GLIS3: variants seen among roughly 807,000 people sequenced by gnomAD.
The protein encoded by GLIS3 is zinc finger protein GLIS3.
GLIS3 carries 53 observed loss-of-function variants against 78.6 expected under a neutral mutation model. The observed-to-expected ratio is 0.67, with a 90% CI of 0.54 to 0.85. The LOEUF (loss-of-function observed/expected upper bound fraction) is 0.85. GLIS3 is among the 40% of genes least tolerant of loss of function. The pLI is 0.00. For synonymous variants in GLIS3, 684 were observed against 509.9 expected, an observed-to-expected ratio of 1.34 and a Z score of -4.60; for missense variants, 1,703 against 1,231.1, an observed-to-expected ratio of 1.38 and a Z score of -5.74.
At chr9:4,157,075 G>C (rs1333225708) in intron 2 of GLIS3, among the ~76,000 whole-genome samples, 1 of 152,090 alleles carries the variant, frequency 6.6e-6, no homozygotes, top group East Asian at 1.9e-4. Context: ...GATTACTACA[G>C]GTCCTAATAA....
chr9:4,039,654 G>C (rs1824635576), intron 4 of GLIS3, among the ~76,000 whole-genome samples: 1 of 152,170 alleles, frequency 6.6e-6, no homozygotes, highest in Non-Finnish European at 1.5e-5. Context: ...GCCTGACCCA[G>C]AGCCTGCCTG....
chr9:4,218,903 C>T (rs1000930636), intron 2 of GLIS3, among the ~76,000 whole-genome samples: 7 of 152,228 alleles, frequency 4.6e-5, no homozygotes, highest in Non-Finnish European at 1.0e-4. Context: ...TTCCACAGAG[C>T]ACTCATAACT....
chr9:4,463,587 C>T, the GLIS3 span, among the ~76,000 whole-genome samples: 5 of 152,164 alleles, frequency 3.3e-5, no homozygotes, highest in Non-Finnish European at 7.4e-5. Context: ...GCATCTTAAT[C>T]CGCCTAGAGA....
intron 2 of GLIS3, among the ~76,000 whole-genome samples, chr9:4,258,489 T>A (rs886478618): frequency 1.3e-5 from 2 of 152,238 alleles, no homozygotes; most frequent in African/African-American, 4.8e-5. Flanking sequence ...TGGGGCTTTG[T>A]CTTCCTATTA....
intron 4 of GLIS3, among the ~76,000 whole-genome samples, chr9:4,079,768 AAAACCTACCTGAAAC>A (rs1401536909): frequency 7.9e-5 from 12 of 152,042 alleles, no homozygotes. Context: ...AAGAAAAAAG[AAAACCTACCTGAAAC>A]AGGTTGCTGT....
At chr9:4,349,211 A>T (rs948982783), upstream of GLIS3, among the ~76,000 whole-genome samples, 5 of 152,160 alleles carry the variant, frequency 3.3e-5, no homozygotes, top group African/African-American at 1.2e-4. Context: ...CCTTTCCACA[A>T]CAGTTTATGA....
intron 4 of GLIS3, among the ~76,000 whole-genome samples, chr9:4,076,488 GA>G (rs1400735188): frequency 6.6e-6 from 1 of 152,008 alleles, no homozygotes; most frequent in Admixed American, 6.5e-5. Flanking sequence ...CTTACAAAAG[GA>G]AAATGTACTA....
chr9:3,970,484 C>A (rs890726849), intron 4 of GLIS3, among the ~76,000 whole-genome samples: 1 of 152,094 alleles, frequency 6.6e-6, no homozygotes. Context: ...ATTTTGTCAA[C>A]CTAAAAGTTT....
At chr9:4,458,927 G>T in the GLIS3 span, among the ~76,000 whole-genome samples, 1 of 152,182 alleles carries the variant, frequency 6.6e-6, no homozygotes, top group South Asian at 2.1e-4. Flanking sequence ...TAGAGCAGAA[G>T]TGGGTGACAG....
chr9:4,467,752 C>T, the GLIS3 span, among the ~76,000 whole-genome samples: 1 of 152,194 alleles, frequency 6.6e-6, no homozygotes, highest in Non-Finnish European at 1.5e-5. Flanking sequence ...GACAGCTCCT[C>T]GCCATCAATG....
chr9:4,373,401 A>T, the GLIS3 span, among the ~76,000 whole-genome samples: 1 of 152,172 alleles, frequency 6.6e-6, no homozygotes, highest in East Asian at 1.9e-4. Context: ...GTAGTAGGGG[A>T]TGCGGATGGG....
rs188634528 is a variant in GLIS3, at chr9:4,157,239, G to C, written c.389-31298C>G. Among the ~76,000 whole-genome samples the C allele has an allele frequency of 2.1e-3, 327 of 152,288 alleles. 1 individual carries two copies. Among genetic ancestry groups the C allele is most frequent in the Non-Finnish European group, 3.5e-3 (237 of 68,028 alleles). Reference sequence around the variant, plus strand: ...AGGAGACACCAGGTGAAAGGAAGATGGCCATTGATAAAGGTCAACATTAAC... The same window carrying C: ...AGGAGACACCAGGTGAAAGGAAGATCGCCATTGATAAAGGTCAACATTAAC... On this transcript the variant is annotated intron_variant, in intron 2 of 10. Coordinates refer to ENST00000381971, the MANE Select transcript of GLIS3 (RefSeq NM_001042413.2).
Position 4,197,260 on chromosome 9 carries a change from A to AG in GLIS3, c.389-71320dup, listed in dbSNP as rs147894207. Among the ~76,000 whole-genome samples, 96 of 150,910 alleles carry AG rather than the reference A, an allele frequency of 6.4e-4. 2 individuals are homozygous for AG. The East Asian group carries it at 0.017, about 26-fold the overall frequency. ...CTTCCCTATGCAGAGATGCTGTGCA[A>AG]GGGGGCCCTCTCCACTCCATGACTA... On this transcript the variant is annotated intron_variant, in intron 2 of 10. Transcript: ENST00000381971.
upstream of GLIS3, among the ~76,000 whole-genome samples, chr9:4,352,942 T>G (rs1158257006): frequency 1.3e-5 from 2 of 152,172 alleles, no homozygotes; most frequent in East Asian, 3.8e-4. Flanking sequence ...AGTAGCCACT[T>G]GTCAGGCTAA....
At chr9:4,303,523 G>A (rs113242285), upstream of GLIS3, among the ~76,000 whole-genome samples, 6 of 152,088 alleles carry the variant, frequency 3.9e-5, no homozygotes, top group African/African-American at 1.4e-4. Context: ...CAAACTCTTC[G>A]GCTCACATAC....
At chr9:4,086,264 A>G (rs151318220) in intron 4 of GLIS3, among the ~76,000 whole-genome samples, 15 of 152,240 alleles carry the variant, frequency 9.9e-5, no homozygotes, top group Admixed American at 5.9e-4. Flanking sequence ...CCAAGTCCCA[A>G]CTGAAGAATC....
rs201573290 is a variant in GLIS3 at position 4,118,467 on chromosome 9, C to A, written c.1011G>T (p.Ser337=). The stretch of plus-strand genomic sequence containing the variant: ...CCGGCTGCGGGGACAGGTTGGCCGG[C>A]GAAGCCCTCGACCCGTTGATGTAGG... ...LVAYINGSRA[S]PANLSPQPEV... The change falls in exon 4 of 11, where the codon TCG becomes TCT. Residue 337 remains serine (S), a synonymous_variant. Coordinates refer to ENST00000381971, the MANE Select transcript of GLIS3 (RefSeq NM_001042413.2). This position sits in a 1 kb window ranked among gnomAD's most constrained non-coding sequence, Gnocchi z 4.7. 74 of 1,613,594 alleles carry A rather than the reference C, an allele frequency of 4.6e-5. No homozygotes were observed. The highest frequency in any genetic ancestry group is 6.2e-5 in the Non-Finnish European group (73 of 1,180,024).
intron 2 of GLIS3, among the ~76,000 whole-genome samples, chr9:4,227,337 C>G (rs1380031388): frequency 6.6e-6 from 1 of 151,042 alleles, no homozygotes; most frequent in Non-Finnish European, 1.5e-5. Context: ...AAGTAAGTTA[C>G]GCCCACACAA....
intron 2 of GLIS3, among the ~76,000 whole-genome samples, chr9:4,144,629 A>G (rs1834069342): frequency 1.3e-5 from 2 of 152,254 alleles, no homozygotes; most frequent in Non-Finnish European, 2.9e-5. Flanking sequence ...TCACTTATGA[A>G]TAAAAATAAC....
Sources: gnomAD v4.1 joint callset for allele counts (sites outside exome capture counted in the v4.1 genomes callset) on GRCh38, gnomAD v4.1.1 for gene constraint, Gnocchi (gnomAD v3.1) non-coding constraint, MANE v1.5 for transcripts, NCBI Gene and HGNC (gene_info 2026-07-23, HGNC 2026-07-21) for gene names.